The following MYOM2 variants were observed in gnomAD, a reference collection of about 807,000 sequenced individuals.
MYOM2 encodes myomesin 2.
Under a neutral mutation model 187.6 loss-of-function variants are expected in MYOM2, and 254 were observed. The ratio of observed to expected loss-of-function variants is 1.35; its 90% CI spans 1.22 to 1.50. The LOEUF is 1.50. Ranked by LOEUF, MYOM2 falls within the 40% of genes most tolerant of loss-of-function variation. The probability of loss-of-function intolerance (pLI) is 0.00; values close to 1 mark genes in which losing one functional copy is unlikely to be tolerated. For synonymous variants in MYOM2, 981 were observed against 753.8 expected, an observed-to-expected ratio of 1.30 and a Z score of -4.94; for missense variants, 2,796 against 1,924.0, an observed-to-expected ratio of 1.45 and a Z score of -8.48.
intron 31 of MYOM2, among the ~76,000 whole-genome samples, chr8:2,128,532 G>A (rs1330612941): frequency 6.6e-6 from 1 of 152,138 alleles, no homozygotes; most frequent in Non-Finnish European, 1.5e-5. Context: ...TCTCCTTTCT[G>A]ACCTCTGACC....
chr8:2,110,253 G>T (rs1394752767), intron 25 of MYOM2, among the ~76,000 whole-genome samples: 1 of 152,150 alleles, frequency 6.6e-6, no homozygotes, highest in African/African-American at 2.4e-5. Flanking sequence ...AGCCTGAGAG[G>T]TCCGAGCTGC....
intron 21 of MYOM2, among the ~76,000 whole-genome samples, chr8:2,105,360 T>C (rs1235751074): frequency 6.6e-6 from 1 of 152,188 alleles, no homozygotes; most frequent in Non-Finnish European, 1.5e-5. Context: ...GAGGCTGAGA[T>C]GTGTCTCGTC....
rs1039570524 is a variant in MYOM2 at position 2,072,280 on chromosome 8, G to A, written c.794-65G>A. 7,201 of 1,331,608 alleles carry A rather than the reference G, an allele frequency of 5.4e-3. 430 individuals carry two copies. In the African/African-American group the frequency reaches 0.13, roughly 24 times the overall value. 82.5% of individuals were successfully genotyped at this position (1,331,608 alleles called of 1,614,324 possible). A position where few individuals can be genotyped will look rare whatever the true frequency, so the allele number is the denominator to read the frequency against. On this transcript the variant is annotated intron_variant, in intron 8 of 36. Transcript: ENST00000262113. The stretch of plus-strand genomic sequence containing the variant: ...AAGATGCTCTCTGCCCTTCGGCCAT[G>A]AAAGCCTCCATCGTTTCATGCTCTC...
At chr8:2,083,192 C>G (rs1019620549) in intron 13 of MYOM2, among the ~76,000 whole-genome samples, 9 of 152,220 alleles carry the variant, frequency 5.9e-5, no homozygotes, top group African/African-American at 2.2e-4. Context: ...GTTTATATAT[C>G]TCTCACTGGT....
intron 32 of MYOM2, among the ~76,000 whole-genome samples, chr8:2,138,492 C>A (rs1798159976): frequency 6.6e-6 from 1 of 152,182 alleles, no homozygotes; most frequent in African/African-American, 2.4e-5. Context: ...CCGCCTCTTT[C>A]CGGGGAGGGG....
chr8:2,072,433 G>C lies in MYOM2; in HGVS notation c.882G>C (p.Thr294=). The part of the protein sequence containing the change: ...FGVTFRREGE[T]VTLKCTMLVT... ...TCACCTTCAGGAGGGAAGGCGAGAC[G>C]GTCACTCTCAAGTGCACCATGCTGG... The change falls in exon 9 of 37, where the codon ACG becomes ACC. Residue 294 remains threonine, a synonymous_variant. Coordinates refer to ENST00000262113, the MANE Select transcript of MYOM2 (RefSeq NM_003970.4). The C allele has an allele frequency of 1.9e-6, 3 of 1,614,130 alleles. No individual in the cohort carries two copies. Among genetic ancestry groups the C allele is most frequent in the Non-Finnish European group, 2.5e-6 (3 of 1,180,024 alleles).
chr8:2,132,180 C>CA (rs1258713221), intron 32 of MYOM2, among the ~76,000 whole-genome samples: 1 of 152,180 alleles, frequency 6.6e-6, no homozygotes, highest in East Asian at 1.9e-4. Flanking sequence ...ATCCACTTCA[C>CA]AAAACCTATG....
chr8:2,063,485 ATTC>A (rs1243010103), intron 6 of MYOM2, among the ~76,000 whole-genome samples: 1 of 152,216 alleles, frequency 6.6e-6, no homozygotes, highest in Non-Finnish European at 1.5e-5. Flanking sequence ...GTGAGCCCTC[ATTC>A]TTCAAAGAAT....
At chr8:2,101,656 T>C (rs1028501400) in intron 20 of MYOM2, among the ~76,000 whole-genome samples, 1 of 152,136 alleles carries the variant, frequency 6.6e-6, no homozygotes, top group South Asian at 2.1e-4. Context: ...TTCTTCCACA[T>C]TGCAGTCTAA....
rs144220288 is a variant in MYOM2 at position 2,090,076 on chromosome 8, C to A, written c.1713C>A (p.Ala571=). The A allele has an allele frequency of 6.2e-7, 1 of 1,614,040 alleles. No homozygotes were observed. The highest frequency in any genetic ancestry group is 8.5e-7 in the Non-Finnish European group (1 of 1,179,990). ...CGGCTGTGAGATCCCCGAGATATGC[C>A]GTGTTTGACCTCATGGAAGGGAAGT... ...AQTAVRSPRY[A]VFDLMEGKSY... The change falls in exon 15 of 37, where the codon GCC becomes GCA. Residue 571 remains alanine, a synonymous_variant. Transcript: ENST00000262113.
chr8:2,107,406 G>A (rs946447600), intron 23 of MYOM2, among the ~76,000 whole-genome samples: 1 of 152,246 alleles, frequency 6.6e-6, no homozygotes, highest in African/African-American at 2.4e-5. Flanking sequence ...ATGATCTCCA[G>A]GGGAGTCCTA....
intron 5 of MYOM2, 149 bp from the exon 6 acceptor site, chr8:2,059,004 C>G (rs1375840949): frequency 1.7e-5 from 11 of 640,632 alleles, no homozygotes; most frequent in Non-Finnish European, 5.5e-6. Flanking sequence ...AACTCTGGGC[C>G]TCACCGTCAG....
At position 2,115,972 on chromosome 8, in the gene MYOM2, A is replaced by G; in HGVS notation, c.3193A>G (p.Lys1065Glu). The G allele has an allele frequency of 6.2e-7, 1 of 1,613,448 alleles. No homozygotes were observed. Among genetic ancestry groups the G allele is most frequent in the Non-Finnish European group, 8.5e-7 (1 of 1,179,862 alleles). ...EVSDSEIHRI[K>E]CDKATGIIEM... ...GTTTTGCTTGCAGATACACAGAATT[A>G]AATGTGACAAAGCTACTGGCATTAT... Residue 1065 changes from lysine to glutamate, a missense_variant, in exon 26 of 37, where the codon AAA (lysine) becomes GAA (glutamate). Lys to Glu is a moderately conservative substitution (Grantham distance 56). Coordinates refer to ENST00000262113, the MANE Select transcript of MYOM2 (RefSeq NM_003970.4).
At chr8:2,085,019 CG>C in intron 13 of MYOM2, 1 of 469,632 alleles carries the variant, frequency 2.1e-6, no homozygotes, top group Admixed American at 3.8e-5. Context: ...GGAAGACTTT[CG>C]GGTGAGATTC....
At chr8:2,133,020 T>C (rs1043160596) in intron 32 of MYOM2, among the ~76,000 whole-genome samples, 4 of 152,160 alleles carry the variant, frequency 2.6e-5, no homozygotes, top group Non-Finnish European at 5.9e-5. Flanking sequence ...CTTTAGCCGA[T>C]GTGTGTTGTG....
At chr8:2,073,919 C>G (rs1819325591) in intron 10 of MYOM2, among the ~76,000 whole-genome samples, 1 of 152,146 alleles carries the variant, frequency 6.6e-6, no homozygotes. Flanking sequence ...TGGACTTTGG[C>G]TTAAGAGAGG....
chr8:2,052,263 T>G lies in MYOM2; in HGVS notation c.213T>G (p.Cys71Trp), dbSNP rs1239637264. Residue 71 changes from cysteine (C) to tryptophan (W), a missense_variant, in exon 3 of 37, where the codon TGT becomes TGG. By Grantham distance (215) the Cys-to-Trp change is radical (BLOSUM62 -2). Transcript: ENST00000262113. ...TSLGGTICRVCAKRVSTQEDE... is the reference protein window; with the variant it reads ...TSLGGTICRVWAKRVSTQEDE... ...TGGGAGGAACCATCTGCAGGGTCTG[T>G]GCGAAGCGAGTGAGCACGCAGGAAG... The G allele has an allele frequency of 1.9e-6, 3 of 1,611,556 alleles. No individual in the cohort carries two copies. The highest frequency in any genetic ancestry group is 2.5e-6 in the Non-Finnish European group (3 of 1,179,178).
At chr8:2,091,174 T>G (rs1314222483) in intron 15 of MYOM2, among the ~76,000 whole-genome samples, 1 of 152,132 alleles carries the variant, frequency 6.6e-6, no homozygotes, top group African/African-American at 2.4e-5. Flanking sequence ...ACTAGACTTT[T>G]TTGTTGTTGT....
intron 32 of MYOM2, among the ~76,000 whole-genome samples, chr8:2,135,587 C>T (rs1015775960): frequency 3.3e-5 from 5 of 152,194 alleles, no homozygotes; most frequent in East Asian, 3.9e-4. Flanking sequence ...TGCTTTAGCA[C>T]GAAGGAGCAG....
Sources: allele counts gnomAD v4.1 joint callset (sites outside exome capture counted in the v4.1 genomes callset), GRCh38; gene constraint gnomAD v4.1.1; transcripts MANE v1.5; gene names NCBI Gene and HGNC (gene_info 2026-07-23, HGNC 2026-07-21).